WDR27: variants seen among roughly 807,000 people sequenced by gnomAD.
The protein encoded by WDR27 is WD repeat domain 27.
WDR27 carries 100 observed loss-of-function variants against 114.4 expected under a neutral mutation model. That is an observed-to-expected ratio of 0.87 (90% CI 0.74 to 1.03). The LOEUF is 1.03. Among genes scored for constraint, WDR27 ranks in the 50% least tolerant of loss-of-function variants. The pLI, the probability that WDR27 is intolerant of heterozygous loss-of-function variation, is 0.00. For synonymous variants in WDR27, 449 were observed against 423.1 expected, an observed-to-expected ratio of 1.06 and a Z score of -0.75; for missense variants, 1,129 against 1,092.9, an observed-to-expected ratio of 1.03 and a Z score of -0.47.
chr6:169,649,108 T>C, intron 15 of WDR27, 90 bp downstream of exon 15: 1 of 1,071,210 alleles, frequency 9.3e-7, no homozygotes, highest in Middle Eastern at 2.0e-4. Context: ...ACATATAAGG[T>C]TTTATATCTG....
chr6:169,436,856 T>C, the WDR27 span, among the ~76,000 whole-genome samples: 1 of 152,122 alleles, frequency 6.6e-6, no homozygotes, highest in Non-Finnish European at 1.5e-5. Context: ...TGTTCCACAT[T>C]AAAAGTTGTT....
At chr6:169,639,979 C>T (rs76163552) in intron 17 of WDR27, among the ~76,000 whole-genome samples, 24,837 of 152,060 alleles carry the variant, frequency 0.16, 2,126 homozygotes, top group African/African-American at 0.19. Context: ...CGAGAGGGGA[C>T]GAGCTGGGGA....
chr6:169,450,125 T>G, the WDR27 span, among the ~76,000 whole-genome samples: 4 of 152,166 alleles, frequency 2.6e-5, no homozygotes, highest in Non-Finnish European at 5.9e-5. Context: ...GTCTAGGACT[T>G]TAAGGAAACT....
chr6:169,457,165 C>T, downstream of WDR27: 1 of 176,744 alleles, frequency 5.7e-6, no homozygotes, highest in Non-Finnish European at 1.2e-5. Context: ...CCCACGCTCA[C>T]CATGCAGAGC....
Position 169,624,040 on chromosome 6 carries a change from G to A in WDR27, c.2223+8907C>T, listed in dbSNP as rs79561463. Among the ~76,000 whole-genome samples the A allele has an allele frequency of 3.7e-3, 560 of 152,298 alleles. 6 individuals are homozygous for A. The highest frequency in any genetic ancestry group is 0.034 in the East Asian group (174 of 5,178). ...TGGGGCCCTGGAGACACCACATGCC[G>A]CGTGTGGGGTCAGGTGTGCCGTGTG... On this transcript the variant is annotated intron_variant, in intron 21 of 25. Transcript: ENST00000448612.
chr6:169,440,031 T>A, the WDR27 span, among the ~76,000 whole-genome samples: 1 of 152,072 alleles, frequency 6.6e-6, no homozygotes, highest in East Asian at 1.9e-4. Context: ...AAGCCTGCCT[T>A]GATTTGGCTT....
intron 25 of WDR27, among the ~76,000 whole-genome samples, chr6:169,522,511 A>G (rs1304125828): frequency 1.3e-5 from 2 of 152,108 alleles, no homozygotes; most frequent in Non-Finnish European, 2.9e-5. Flanking sequence ...TTGCTGCAGA[A>G]TACATACTCC....
In WDR27 at chr6:169,633,017, T is replaced by C. The variant is rs752753328; in HGVS notation, c.2153A>G (p.Asn718Ser). ...RNRTVEVFDL[N>S]AGCSAAVIAE... ...TATCACCGCTGCACTGCAGCCGGCGTTGAGGTCAAACACTTCCACGGTCCT... is the reference window on the plus strand; with the variant it reads ...TATCACCGCTGCACTGCAGCCGGCGCTGAGGTCAAACACTTCCACGGTCCT... Residue 718 changes from asparagine to serine, a missense_variant, in exon 21 of 26, where the codon AAC (asparagine) becomes AGC (serine). Physicochemically the swap from Asn to Ser is conservative, Grantham distance 46. Coordinates refer to ENST00000448612, the MANE Select transcript of WDR27 (RefSeq NM_182552.5). 1.3e-5 allele frequency: 20 copies of C among 1,598,632 alleles called. No homozygotes were observed. In the South Asian group the frequency reaches 2.1e-4, roughly 17 times the overall value.
At chr6:169,577,343 C>A (rs1201284026) in intron 24 of WDR27, among the ~76,000 whole-genome samples, 2 of 152,186 alleles carry the variant, frequency 1.3e-5, no homozygotes, top group African/African-American at 2.4e-5. Context: ...ATGGCGCCCC[C>A]CGATGTCCAC....
intron 6 of WDR27, 75 bp downstream of exon 6, chr6:169,667,061 T>C: frequency 7.1e-7 from 1 of 1,406,008 alleles, no homozygotes; most frequent in East Asian, 2.9e-5. Context: ...CTCCATCTTA[T>C]GCCCTGTAAT....
rs532248014 is a variant in WDR27, at chr6:169,520,029, T to A, written c.2645+52390A>T. Among the ~76,000 whole-genome samples, 5 of 152,182 alleles carry A rather than the reference T, an allele frequency of 3.3e-5. No homozygotes were observed. In the South Asian group the frequency reaches 1.0e-3, roughly 32 times the overall value. On this transcript the variant is annotated intron_variant, in intron 25 of 25. Coordinates refer to ENST00000448612, the MANE Select transcript of WDR27 (RefSeq NM_182552.5). The stretch of plus-strand genomic sequence containing the variant: ...TCCCTCCCTAAACCCCTGGGAAGCA[T>A]CAGGAGTGCCCGAAAAGAAAAATAT...
intron 24 of WDR27, among the ~76,000 whole-genome samples, chr6:169,574,664 G>A (rs1801962069): frequency 6.6e-6 from 1 of 152,140 alleles, no homozygotes; most frequent in Non-Finnish European, 1.5e-5. Flanking sequence ...TGGAGAGGGT[G>A]CCAGCTTCCA....
At chr6:169,474,888 C>A (rs993140445) in intron 25 of WDR27, among the ~76,000 whole-genome samples, 1 of 152,298 alleles carries the variant, frequency 6.6e-6, no homozygotes, top group East Asian at 1.9e-4. Flanking sequence ...TACCACATGG[C>A]AGTCAGCTCT....
At chr6:169,640,896 T>C (rs1245251913) in intron 17 of WDR27, among the ~76,000 whole-genome samples, 1 of 152,202 alleles carries the variant, frequency 6.6e-6, no homozygotes, top group Non-Finnish European at 1.5e-5. Context: ...TCCTTCTTAG[T>C]GAGACTGAGG....
intron 13 of WDR27, among the ~76,000 whole-genome samples, chr6:169,657,303 A>G (rs957807093): frequency 6.6e-6 from 1 of 152,202 alleles, no homozygotes; most frequent in African/African-American, 2.4e-5. Flanking sequence ...TCTGGTAGGG[A>G]AGGGAGAGGC....
chr6:169,646,482 C>CA (rs1820771858), intron 16 of WDR27, among the ~76,000 whole-genome samples: 1 of 152,172 alleles, frequency 6.6e-6, no homozygotes, highest in African/African-American at 2.4e-5. Flanking sequence ...CGCAGCGGCT[C>CA]ACACCTGTAA....
At chr6:169,532,805 A>C (rs1408835161) in intron 25 of WDR27, among the ~76,000 whole-genome samples, 1 of 151,824 alleles carries the variant, frequency 6.6e-6, no homozygotes, top group South Asian at 2.1e-4. Flanking sequence ...TCTAGACCCC[A>C]AAAACAGGAA....
chr6:169,678,649 G>T (rs1008580755), intron 2 of WDR27, among the ~76,000 whole-genome samples: 2 of 152,036 alleles, frequency 1.3e-5, no homozygotes, highest in African/African-American at 4.8e-5. Flanking sequence ...AGGGGTCTGG[G>T]GAGTCATGCC....
chr6:169,523,145 G>A (rs1351515291), intron 25 of WDR27, among the ~76,000 whole-genome samples: 2 of 152,016 alleles, frequency 1.3e-5, no homozygotes, highest in Non-Finnish European at 2.9e-5. Flanking sequence ...AGACTCATTA[G>A]AGACTATTAT....
Sources: gnomAD v4.1 joint callset for allele counts (sites outside exome capture counted in the v4.1 genomes callset) on GRCh38, gnomAD v4.1.1 for gene constraint, MANE v1.5 for transcripts, NCBI Gene and HGNC (gene_info 2026-07-23, HGNC 2026-07-21) for gene names.